ZKSCAN2: variants seen among roughly 807,000 people sequenced by gnomAD.
ZKSCAN2 encodes the protein zinc finger protein with KRAB and SCAN domains 2.
In ZKSCAN2, 38 loss-of-function variants were observed where a neutral mutation model predicts 90.5. That is an observed-to-expected ratio of 0.42 (90% CI 0.32 to 0.55). The LOEUF is 0.55. ZKSCAN2 is among the 20% of genes least tolerant of loss of function. The probability of loss-of-function intolerance (pLI) is 0.11; values close to 1 mark genes in which losing one functional copy is unlikely to be tolerated. For missense variants in ZKSCAN2, 1,167 were observed against 1,202.6 expected (o/e 0.97, Z 0.44); for synonymous variants, 429 against 421.6 (o/e 1.02, Z -0.22).
chr16:25,252,128 G>T, intron 3 of ZKSCAN2, 93 bp from the exon 4 acceptor site: 4 of 1,433,934 alleles, frequency 2.8e-6, no homozygotes, highest in East Asian at 2.4e-5. Flanking sequence ...GAACCCTAAA[G>T]AACTGAAATC....
chr16:25,246,898 G>A lies in ZKSCAN2; in HGVS notation c.1298C>T (p.Pro433Leu), dbSNP rs763585057. 24 of 1,614,054 alleles carry A rather than the reference G, an allele frequency of 1.5e-5. No individual in the cohort carries two copies. The East Asian group carries it at 1.6e-4, about 10-fold the overall frequency. Reference protein sequence around the residue: ...DALLNPAARAPSTDKPKEMIP... With the variant: ...DALLNPAARALSTDKPKEMIP... ...CATCTCCTTTGGTTTATCAGTGGAC[G>A]GAGCACGGGCTGCAGGGTTCAACAA... The change falls in exon 5 of 7, where the codon CCG becomes CTG. Residue 433 changes from proline to leucine, a missense_variant. Coordinates refer to ENST00000328086, the MANE Select transcript of ZKSCAN2 (RefSeq NM_001012981.5).
In ZKSCAN2 at chr16:25,244,002, A is replaced by G. The variant is rs1373033885; in HGVS notation, c.1764T>C (p.Ser588=). Residue 588 remains serine (S), a synonymous_variant, in exon 6 of 7, where the codon TCT becomes TCC. Transcript: ENST00000328086. ...CCTCTGGGGTGCTGGGGGAAGGAGCAGATGCCCGAGAGTTAATCAGGGCAT... is the reference window on the plus strand; with the variant it reads ...CCTCTGGGGTGCTGGGGGAAGGAGCGGATGCCCGAGAGTTAATCAGGGCAT... The part of the protein sequence containing the change: ...EMDALINSRA[S]APSPSTPEEV... The G allele has an allele frequency of 6.2e-7, 1 of 1,614,076 alleles. No individual in the cohort carries two copies. Among genetic ancestry groups the G allele is most frequent in the African/African-American group, 1.3e-5 (1 of 74,930 alleles).
At position 25,239,545 on chromosome 16, in the gene ZKSCAN2, G is replaced by C. The variant is rs1160285620; in HGVS notation, c.*271C>G. On this transcript the variant is annotated 3_prime_UTR_variant, in exon 7 of 7. Transcript: ENST00000328086. Reference sequence around the variant, plus strand: ...TGTTGCCGAACTTAGCAATCCAGTTGCAGTGGCCTCAATGTACTGAAGGGT... The same window carrying C: ...TGTTGCCGAACTTAGCAATCCAGTTCCAGTGGCCTCAATGTACTGAAGGGT... 3.2e-5 allele frequency: 10 copies of C among 308,002 alleles called. No homozygotes were observed. In the East Asian group the frequency reaches 4.2e-4, roughly 13 times the overall value. The allele number at this position is 308,002 out of a possible 1,614,324, so 19.1% of individuals were successfully genotyped here. A position where few individuals can be genotyped will look rare whatever the true frequency, so the allele number is the denominator to read the frequency against.
Position 25,257,639 on chromosome 16 carries a change from G to C in ZKSCAN2, c.-512C>G. ...GCCGCGGGTGCCGCTGGGGCCGCCGGATTCCGAGAGCGGCGCCGGGCTCTT... is the reference window on the plus strand; with the variant it reads ...GCCGCGGGTGCCGCTGGGGCCGCCGCATTCCGAGAGCGGCGCCGGGCTCTT... On this transcript the variant is annotated 5_prime_UTR_variant, in exon 1 of 7. It adds an upstream start codon to the 5' untranslated region. Transcript: ENST00000328086. 2.6e-6 allele frequency: 1 copy of C among 390,446 alleles called. No individual in the cohort carries two copies. Among genetic ancestry groups the C allele is most frequent in the South Asian group, 1.1e-4 (1 of 9,412 alleles). The allele number at this position is 390,446 out of a possible 1,614,324, so 24.2% of individuals were successfully genotyped here.
At chr16:25,250,073 G>A (rs1044379122) in intron 4 of ZKSCAN2, among the ~76,000 whole-genome samples, 2 of 152,224 alleles carry the variant, frequency 1.3e-5, no homozygotes, top group African/African-American at 4.8e-5. Context: ...CACTTTGGGA[G>A]GCCAAGGTAG....
rs1362199374 is a variant in ZKSCAN2 at position 25,240,716 on chromosome 16, G to A, written c.2004C>T (p.Ile668=). 6.2e-7 allele frequency: 1 copy of A among 1,604,470 alleles called. No individual in the cohort carries two copies. The highest frequency in any genetic ancestry group is 2.2e-5 in the East Asian group (1 of 44,678). The part of the protein sequence containing the change: ...SPNDFEIGSS[I]KEDPTQIVYK... ...ATACTATCTGTGTTGGATCCTCCTT[G>A]ATGCTACTTCCGATTTCAAAATCTG... Residue 668 remains isoleucine (I), a synonymous_variant, in exon 7 of 7, where the codon ATC becomes ATT. Coordinates refer to ENST00000328086, the MANE Select transcript of ZKSCAN2 (RefSeq NM_001012981.5).
rs1295100278 is a variant in ZKSCAN2 at position 25,256,780 on chromosome 16, C to T, written c.348G>A (p.Ala116=). ...QKQCPQSGEE[A]VALVVHLEKE... Reference sequence around the variant, plus strand: ...TCTCCAAATGCACTACCAGGGCCACCGCTTCCTCTCCACTTTGCGGACACT... The same window carrying T: ...TCTCCAAATGCACTACCAGGGCCACTGCTTCCTCTCCACTTTGCGGACACT... Residue 116 remains alanine, a synonymous_variant, in exon 1 of 7, where the codon GCG becomes GCA. Transcript: ENST00000328086. The T allele has an allele frequency of 6.2e-7, 1 of 1,614,020 alleles. No homozygotes were observed. The highest frequency in any genetic ancestry group is 8.5e-7 in the Non-Finnish European group (1 of 1,180,030).
At chr16:25,246,197 T>C (rs1241478247) in intron 5 of ZKSCAN2, 1 of 154,306 alleles carries the variant, frequency 6.5e-6, no homozygotes, top group African/African-American at 2.4e-5. Context: ...TTATATCTTA[T>C]TTTTTTCCAT....
intron 6 of ZKSCAN2, 22 bp from the exon 7 acceptor site, chr16:25,240,760 C>T (rs1962840826): frequency 5.6e-6 from 9 of 1,596,308 alleles, no homozygotes; most frequent in Non-Finnish European, 7.7e-6. Context: ...AAAGACAATA[C>T]AAATTTTATA....
chr16:25,257,087 T>C lies in ZKSCAN2; in HGVS notation c.41A>G (p.Glu14Gly), dbSNP rs1963116691. ...ALDSQIDAPL[E>G]VEGCLIMKVE... ...CTTCATTATTAGGCATCCCTCAACC[T>C]CCAGGGGCGCGTCGATCTGAGAGTC... Residue 14 changes from glutamate to glycine, a missense_variant, in exon 1 of 7, where the codon GAG becomes GGG. Physicochemically the swap from Glu to Gly is moderately conservative, Grantham distance 98. Transcript: ENST00000328086. 2 of 1,611,528 alleles carry C rather than the reference T, an allele frequency of 1.2e-6. No individual in the cohort carries two copies. Among genetic ancestry groups the C allele is most frequent in the Non-Finnish European group, 1.7e-6 (2 of 1,178,764 alleles).
Position 25,257,513 on chromosome 16 carries a change from G to A in ZKSCAN2, c.-386C>T, listed in dbSNP as rs566420599. Reference sequence around the variant, plus strand: ...GAGGGGGTGTGTCCGCTACTCCCGGGTCGGGCGCGGAGAGGCGAGTCCCCG... The same window carrying A: ...GAGGGGGTGTGTCCGCTACTCCCGGATCGGGCGCGGAGAGGCGAGTCCCCG... On this transcript the variant is annotated 5_prime_UTR_variant, in exon 1 of 7. Coordinates refer to ENST00000328086, the MANE Select transcript of ZKSCAN2 (RefSeq NM_001012981.5). 10 of 993,238 alleles carry A rather than the reference G, an allele frequency of 1.0e-5. No homozygotes were observed. In the African/African-American group the frequency reaches 1.7e-4, roughly 17 times the overall value. 61.5% of individuals were successfully genotyped at this position (993,238 alleles called of 1,614,324 possible).
rs1298419223 is a variant in ZKSCAN2, at chr16:25,240,529, C to T, written c.2191G>A (p.Asp731Asn). Residue 731 changes from aspartate to asparagine, a missense_variant, in exon 7 of 7, where the codon GAT (aspartate) becomes AAT (asparagine). Transcript: ENST00000328086. ...TGATGCACAACGGCTTTCCCTAAAT[C>T]TCTAGGCTGAGACATCGGCTTTCCC... ...RQGKPMSQPR[D>N]LGKAVVHQRP... is the part of the protein sequence containing the mutation. The T allele has an allele frequency of 7.4e-6, 12 of 1,614,200 alleles. No individual in the cohort carries two copies. The highest frequency in any genetic ancestry group is 1.0e-5 in the Non-Finnish European group (12 of 1,180,046).
At chr16:25,246,007 C>A (rs758086707) in intron 5 of ZKSCAN2, among the ~76,000 whole-genome samples, 2 of 152,066 alleles carry the variant, frequency 1.3e-5, no homozygotes, top group African/African-American at 4.8e-5. Context: ...TATTAATTGG[C>A]GATTTAATTC....
chr16:25,242,821 G>A (rs1393714160), intron 6 of ZKSCAN2, among the ~76,000 whole-genome samples: 1 of 152,238 alleles, frequency 6.6e-6, no homozygotes, highest in East Asian at 1.9e-4. Flanking sequence ...AACTGGTTTG[G>A]AGGCTTTTAC....
chr16:25,243,639 A>C, intron 6 of ZKSCAN2, 146 bp downstream of exon 6: 1 of 1,036,680 alleles, frequency 9.6e-7, no homozygotes, highest in Non-Finnish European at 1.4e-6. Flanking sequence ...CATCACTGCT[A>C]TATCCCCTGT....
intron 1 of ZKSCAN2, among the ~76,000 whole-genome samples, chr16:25,255,598 T>A (rs1211410603): frequency 2.0e-5 from 3 of 152,222 alleles, no homozygotes; most frequent in Admixed American, 6.5e-5. Context: ...TTCTTTTTTC[T>A]GAGACAGAGT....
intron 2 of ZKSCAN2, among the ~76,000 whole-genome samples, 192 bp from the exon 3 acceptor site, chr16:25,253,229 G>C (rs936495049): frequency 4.6e-5 from 7 of 152,118 alleles, no homozygotes; most frequent in Admixed American, 2.0e-4. Context: ...TGCTTTCCGG[G>C]GGTAAGCAAG....
chr16:25,253,078 A>G (rs1963045458), intron 2 of ZKSCAN2, 41 bp from the exon 3 acceptor site: 1 of 1,466,446 alleles, frequency 6.8e-7, no homozygotes, highest in Admixed American at 1.7e-5. Context: ...CTGGGCTTTG[A>G]CCCTTTAATT....
In ZKSCAN2 at chr16:25,244,053, C is replaced by T. The variant is rs557149728; in HGVS notation, c.1713G>A (p.Glu571=). The change falls in exon 6 of 7, where the codon GAG becomes GAA. Residue 571 remains glutamate, a synonymous_variant. Coordinates refer to ENST00000328086, the MANE Select transcript of ZKSCAN2 (RefSeq NM_001012981.5). ...YRKVKNGHVL[E]SCAFYKEMDA... is the part of the protein sequence containing the mutation. The stretch of plus-strand genomic sequence containing the variant: ...CCATCTCCTTGTAGAACGCGCAGGA[C>T]TCTAGCACGTGGCCATTTTTCACCT... The T allele has an allele frequency of 2.5e-6, 4 of 1,614,168 alleles. No individual in the cohort carries two copies. The Admixed American group carries it at 6.7e-5, about 27-fold the overall frequency.
Sources: gnomAD v4.1 joint callset for allele counts (sites outside exome capture counted in the v4.1 genomes callset) on GRCh38, gnomAD v4.1.1 for gene constraint, MANE v1.5 for transcripts, NCBI Gene and HGNC (gene_info 2026-07-23, HGNC 2026-07-21) for gene names.